The following PARP1 variants were observed in gnomAD, a reference collection of about 807,000 sequenced individuals.
PARP1 encodes the protein poly(ADP-ribose) polymerase 1.
Under a neutral mutation model 118.7 loss-of-function variants are expected in PARP1, and 44 were observed. The ratio of observed to expected loss-of-function variants is 0.37; its 90% confidence interval spans 0.29 to 0.48. The LOEUF (loss-of-function observed/expected upper bound fraction) is 0.48, where lower values mean the gene tolerates loss of function less well. PARP1 is among the 20% of genes least tolerant of loss of function. The probability of loss-of-function intolerance (pLI) is 0.99; values close to 1 mark genes in which losing one functional copy is unlikely to be tolerated. For synonymous variants in PARP1, 492 were observed against 483.2 expected, an observed-to-expected ratio of 1.02 and a Z score of -0.24; for missense variants, 1,100 against 1,272.4, an observed-to-expected ratio of 0.86 and a Z score of 2.06.
chr1:226,361,445 G>T lies in PARP1; in HGVS notation c.*15C>A. 1 of 1,581,726 alleles carries T rather than the reference G, an allele frequency of 6.3e-7. No individual in the cohort carries two copies. The highest frequency in any genetic ancestry group is 8.7e-7 in the Non-Finnish European group (1 of 1,151,024). Reference sequence around the variant, plus strand: ...ATACCAGAGCCACCGGGTGTGACTCGGCTACCTCTCCCAATTACCACAGGG... The same window carrying T: ...ATACCAGAGCCACCGGGTGTGACTCTGCTACCTCTCCCAATTACCACAGGG... On this transcript the variant is annotated 3_prime_UTR_variant, in exon 23 of 23. Transcript: ENST00000366794.
intron 17 of PARP1, 173 bp from the exon 18 acceptor site, chr1:226,366,225 C>G (rs1484055684): frequency 3.1e-6 from 2 of 642,754 alleles, no homozygotes; most frequent in East Asian, 2.8e-5. Context: ...GGGCCAGTGG[C>G]TCCACTTACC....
chr1:226,397,444 G>T (rs1419338369), intron 2 of PARP1, among the ~76,000 whole-genome samples: 2 of 128,444 alleles, frequency 1.6e-5, no homozygotes, highest in Non-Finnish European at 3.1e-5. Context: ...CATACCAACA[G>T]CTGCAAGGAC....
intron 12 of PARP1, 34 bp downstream of exon 12, chr1:226,379,108 C>G: frequency 6.2e-7 from 1 of 1,613,680 alleles, no homozygotes; most frequent in Non-Finnish European, 8.5e-7. Context: ...GGGCCCATGT[C>G]TCTGCACAAC....
intron 5 of PARP1, 85 bp downstream of exon 5, chr1:226,388,571 A>C: frequency 4.2e-6 from 4 of 956,628 alleles, no homozygotes; most frequent in Non-Finnish European, 6.9e-6. Context: ...TAAGTGGGAC[A>C]CAACTCCTTG....
intron 2 of PARP1, among the ~76,000 whole-genome samples, chr1:226,398,369 T>C (rs1664965101): frequency 6.6e-6 from 1 of 152,052 alleles, no homozygotes; most frequent in South Asian, 2.1e-4. Flanking sequence ...GGTGGGGCCC[T>C]GTCTCTACAA....
rs924472078 is a variant in PARP1, at chr1:226,379,641, C to T, written c.1544G>A (p.Gly515Asp). Residue 515 changes from glycine to aspartate, a missense_variant and splice_region_variant, in exon 11 of 23, where the codon GGT becomes GAT. Gly to Asp is a moderately conservative substitution (Grantham distance 94). This residue lies in a region of PARP1 where 948 missense variants were observed against 1,031.8 expected (regional missense o/e 0.92). Coordinates refer to ENST00000366794, the MANE Select transcript of PARP1 (RefSeq NM_001618.4). ...CATTCTCTTTTCAGATTTGTTGATA[C>T]CTTGGAGGAGAACAGAAAAATGTAA... ...KKSKGQVKEEGINKSEKRMKL... is the reference protein window; with the variant it reads ...KKSKGQVKEEDINKSEKRMKL... 1.2e-6 allele frequency: 2 copies of T among 1,605,588 alleles called. No homozygotes were observed. Among genetic ancestry groups the T allele is most frequent in the Non-Finnish European group, 1.7e-6 (2 of 1,173,570 alleles).
At chr1:226,401,836 T>C (rs1022371933) in intron 2 of PARP1, 6 of 641,832 alleles carry the variant, frequency 9.3e-6, no homozygotes, top group Non-Finnish European at 1.5e-5. Context: ...TCAGTGTAGG[T>C]TCCTCAATTA....
rs565966803 is a variant in PARP1, at chr1:226,367,473, CT to C, written c.2406+6del. 4.5e-5 allele frequency: 73 copies of C among 1,613,688 alleles called. No individual in the cohort carries two copies. The East Asian group carries it at 1.5e-3, about 33-fold the overall frequency. Reference sequence around the variant, plus strand: ...TAAGATGCTTGAGGAAGGCCTGACCCTGTTACCTTAATGTCAGTTTTGAGCT... The same window carrying C: ...TAAGATGCTTGAGGAAGGCCTGACCCGTTACCTTAATGTCAGTTTTGAGCT... On this transcript the variant is annotated splice_donor_region_variant and intron_variant, in intron 17 of 22. Coordinates refer to ENST00000366794, the MANE Select transcript of PARP1 (RefSeq NM_001618.4).
chr1:226,396,072 G>A (rs1340438883), intron 2 of PARP1, among the ~76,000 whole-genome samples: 3 of 152,178 alleles, frequency 2.0e-5, no homozygotes, highest in Admixed American at 6.5e-5. Context: ...CAGGCCAGGC[G>A]CAGTGGCTCA....
At position 226,407,944 on chromosome 1, in the gene PARP1, C is replaced by A. The variant is rs1488526065; in HGVS notation, c.-15G>T. 1.2e-6 allele frequency: 2 copies of A among 1,612,268 alleles called. No homozygotes were observed. Among genetic ancestry groups the A allele is most frequent in the Non-Finnish European group, 1.7e-6 (2 of 1,179,028 alleles). ...GACTCCGCCATCCTCCCCTAGCTGC[C>A]GCCAAAGCTCCGGAAGCCCGACGCC... is the stretch of plus-strand genomic sequence containing the variant. On this transcript the variant is annotated 5_prime_UTR_variant, in exon 1 of 23. Coordinates refer to ENST00000366794, the MANE Select transcript of PARP1 (RefSeq NM_001618.4).
chr1:226,367,366 C>T, intron 17 of PARP1, 114 bp downstream of exon 17: 1 of 1,291,458 alleles, frequency 7.7e-7, no homozygotes, highest in Non-Finnish European at 1.1e-6. Flanking sequence ...TATTGGGCGC[C>T]AGCCACCTGT....
intron 1 of PARP1, among the ~76,000 whole-genome samples, chr1:226,404,058 G>A (rs1665090986): frequency 6.6e-6 from 1 of 152,168 alleles, no homozygotes; most frequent in African/African-American, 2.4e-5. Flanking sequence ...ATGCTCTCCA[G>A]CCCTGTTCAG....
chr1:226,371,513 G>C (rs1664381964), intron 14 of PARP1, among the ~76,000 whole-genome samples: 1 of 152,170 alleles, frequency 6.6e-6, no homozygotes, highest in South Asian at 2.1e-4. Context: ...ACAAGCCCTG[G>C]CATGGGCTTC....
At chr1:226,379,783 G>A (rs1323443764) in intron 10 of PARP1, 139 bp downstream of exon 10, 2 of 1,439,314 alleles carry the variant, frequency 1.4e-6, no homozygotes, top group Non-Finnish European at 2.0e-6. Context: ...CCACCCCAAA[G>A]CGCCTGCCAT....
chr1:226,402,367 C>G lies in PARP1; in HGVS notation c.133G>C (p.Asp45His), dbSNP rs946978561. The G allele has an allele frequency of 3.1e-6, 5 of 1,613,132 alleles. No individual in the cohort carries two copies. The highest frequency in any genetic ancestry group is 4.2e-6 in the Non-Finnish European group (5 of 1,180,022). Residue 45 changes from aspartate to histidine, a missense_variant, in exon 2 of 23, where the codon GAT becomes CAT. Coordinates refer to ENST00000366794, the MANE Select transcript of PARP1 (RefSeq NM_001618.4). ...TGGTACCAGTGTGGGACTTTTCCATCAAACATGGGCGACTAGAAGGAAGAG... is the reference window on the plus strand; with the variant it reads ...TGGTACCAGTGTGGGACTTTTCCATGAAACATGGGCGACTAGAAGGAAGAG... ...MAIMVQSPMFDGKVPHWYHFS... is the reference protein window; with the variant it reads ...MAIMVQSPMFHGKVPHWYHFS...
Position 226,367,580 on chromosome 1 carries a change from A to T in PARP1, c.2306T>A (p.Leu769Gln). Reference protein sequence around the residue: ...QAKVEMLDNLLDIEVAYSLLR... With the variant: ...QAKVEMLDNLQDIEVAYSLLR... ...CAGACTGTAGGCCACCTCGATGTCC[A>T]GCAGGTTGTCAAGCATTTCCACCTT... The change falls in exon 17 of 23, where the codon CTG becomes CAG. Residue 769 changes from leucine (L) to glutamine (Q), a missense_variant. Physicochemically the swap from Leu to Gln is moderately radical, Grantham distance 113. Coordinates refer to ENST00000366794, the MANE Select transcript of PARP1 (RefSeq NM_001618.4). The T allele has an allele frequency of 6.2e-7, 1 of 1,614,200 alleles. No homozygotes were observed. Among genetic ancestry groups the T allele is most frequent in the Non-Finnish European group, 8.5e-7 (1 of 1,180,032 alleles).
At chr1:226,399,073 C>CT (rs34094559) in intron 2 of PARP1, among the ~76,000 whole-genome samples, 33,105 of 125,754 alleles carry the variant, frequency 0.26, 4,959 homozygotes, top group African/African-American at 0.36. Flanking sequence ...ATGGAGGAAT[C>CT]TTTTTTTTTT....
intron 14 of PARP1, among the ~76,000 whole-genome samples, chr1:226,371,754 A>C (rs943817107): frequency 5.3e-5 from 8 of 152,234 alleles, no homozygotes; most frequent in African/African-American, 1.9e-4. Context: ...GGCCAGAGTG[A>C]GGGCAGAGCT....
chr1:226,397,665 C>T (rs186809189), intron 2 of PARP1, among the ~76,000 whole-genome samples: 1 of 152,198 alleles, frequency 6.6e-6, no homozygotes, highest in Admixed American at 6.5e-5. Flanking sequence ...CCCTTTCACT[C>T]TCTTCCTCCT....
Sources: gnomAD v4.1 joint callset for allele counts (sites outside exome capture counted in the v4.1 genomes callset) on GRCh38, gnomAD v4.1.1 for gene constraint, gnomAD v4.1.1 regional missense constraint, MANE v1.5 for transcripts, NCBI Gene and HGNC (gene_info 2026-07-23, HGNC 2026-07-21) for gene names.